MPHOSPH8: variants seen among roughly 807,000 people sequenced by gnomAD.
MPHOSPH8 encodes M-phase phosphoprotein 8.
In MPHOSPH8, 45 loss-of-function variants were observed where a neutral mutation model predicts 87.3. The ratio of observed to expected loss-of-function variants is 0.52; its 90% CI spans 0.41 to 0.66. The LOEUF (loss-of-function observed/expected upper bound fraction) is 0.66, where lower values mean the gene tolerates loss of function less well. Among genes scored for constraint, MPHOSPH8 ranks in the 30% least tolerant of loss-of-function variants. The pLI, the probability that MPHOSPH8 is intolerant of heterozygous loss-of-function variation, is 0.00. For synonymous variants in MPHOSPH8, 366 were observed against 376.9 expected (o/e 0.97, Z 0.33); for missense variants, 883 against 1,020.2 (o/e 0.87, Z 1.83).
intron 11 of MPHOSPH8, among the ~76,000 whole-genome samples, chr13:19,669,625 C>G (rs1171722840): frequency 6.6e-6 from 1 of 151,770 alleles, no homozygotes; most frequent in East Asian, 1.9e-4. Context: ...TCTCCTGCCT[C>G]AACCTCCCGA....
intron 5 of MPHOSPH8, among the ~76,000 whole-genome samples, chr13:19,654,020 A>C (rs1441018816): frequency 1.3e-5 from 2 of 152,228 alleles, no homozygotes; most frequent in Non-Finnish European, 2.9e-5. Flanking sequence ...CCAACCTAGC[A>C]AGACAGGCCA....
chr13:19,669,846 G>T (rs1051670692), intron 11 of MPHOSPH8, among the ~76,000 whole-genome samples: 1 of 152,068 alleles, frequency 6.6e-6, no homozygotes, highest in Admixed American at 6.6e-5. Context: ...AAATTGGAAG[G>T]GGCAAAAGGG....
intron 11 of MPHOSPH8, among the ~76,000 whole-genome samples, chr13:19,669,469 G>A (rs1875997683): frequency 6.6e-6 from 1 of 150,818 alleles, no homozygotes; most frequent in Non-Finnish European, 1.5e-5. Context: ...CAACTGCTGG[G>A]CCTGCAGTTT....
intron 7 of MPHOSPH8, among the ~76,000 whole-genome samples, chr13:19,660,754 G>A (rs1211708767): frequency 3.9e-5 from 6 of 152,030 alleles, no homozygotes; most frequent in Non-Finnish European, 8.8e-5. Flanking sequence ...ACTGGTTATT[G>A]CTTGTCGATG....
rs1479285646 is a variant in MPHOSPH8, at chr13:19,673,117, C to A, written c.*1242C>A. ...TTTTTTGTTTTTTTTTTTTGAAAAG[C>A]CAGACCTTGTGCCCTTGTTTTGAAC... On this transcript the variant is annotated 3_prime_UTR_variant, in exon 14 of 14. Coordinates refer to ENST00000361479, the MANE Select transcript of MPHOSPH8 (RefSeq NM_017520.4). 4.5e-6 allele frequency: 2 copies of A among 445,622 alleles called. No individual in the cohort carries two copies. The highest frequency in any genetic ancestry group is 2.5e-5 in the Admixed American group (1 of 40,762). 27.6% of individuals were successfully genotyped at this position (445,622 alleles called of 1,614,324 possible). A position where few individuals can be genotyped will look rare whatever the true frequency, so the allele number is the denominator to read the frequency against.
intron 8 of MPHOSPH8, 49 bp downstream of exon 8, chr13:19,661,887 C>A (rs745586831): frequency 1.3e-5 from 20 of 1,550,056 alleles, no homozygotes. Flanking sequence ...GGTATTCCTG[C>A]CGATGGACTG....
intron 5 of MPHOSPH8, among the ~76,000 whole-genome samples, chr13:19,656,277 C>CTA (rs1555223175): frequency 1.4e-5 from 1 of 72,246 alleles, no homozygotes; most frequent in African/African-American, 6.3e-5. Context: ...AGACTGTTGT[C>CTA]AAAAAAAAAA....
chr13:19,655,221 A>G lies in MPHOSPH8; in HGVS notation c.1577-3774A>G, dbSNP rs192666913. On this transcript the variant is annotated intron_variant, in intron 5 of 13. Coordinates refer to ENST00000361479, the MANE Select transcript of MPHOSPH8 (RefSeq NM_017520.4). ...CCAGGCATGGTGGCTCACACCTACA[A>G]TCTTAACACTTTGGGAGCTGAAATG... 3.4e-4 allele frequency among the ~76,000 whole-genome samples: 52 copies of G among 152,318 alleles called. 1 individual carries two copies. Among genetic ancestry groups the G allele is most frequent in the Admixed American group, 1.5e-3 (23 of 15,298 alleles).
chr13:19,645,164 C>A (rs575828759), intron 2 of MPHOSPH8, among the ~76,000 whole-genome samples: 2 of 152,222 alleles, frequency 1.3e-5, no homozygotes, highest in East Asian at 3.9e-4. Context: ...GCACAGCAGG[C>A]CCCACCCCAC....
chr13:19,666,672 C>T, intron 10 of MPHOSPH8, 93 bp downstream of exon 10: 1 of 1,137,758 alleles, frequency 8.8e-7, no homozygotes, highest in East Asian at 2.5e-5. Flanking sequence ...TGTGTAACTG[C>T]TCAGAAAAAC....
At chr13:19,634,560 A>C (rs908152083) in intron 1 of MPHOSPH8, among the ~76,000 whole-genome samples, 1 of 152,184 alleles carries the variant, frequency 6.6e-6, no homozygotes, top group African/African-American at 2.4e-5. Context: ...TGGCCTGGAC[A>C]GTTCTCTGCC....
intron 9 of MPHOSPH8, among the ~76,000 whole-genome samples, chr13:19,665,490 C>T (rs1875762186): frequency 6.6e-6 from 1 of 152,036 alleles, no homozygotes; most frequent in African/African-American, 2.4e-5. Context: ...GCCACTCGCT[C>T]TGTCCCGAGC....
intron 9 of MPHOSPH8, among the ~76,000 whole-genome samples, chr13:19,663,820 C>T (rs1875678043): frequency 6.6e-6 from 1 of 152,152 alleles, no homozygotes; most frequent in Non-Finnish European, 1.5e-5. Context: ...ATGCTTGGCT[C>T]CATGTAAGCC....
chr13:19,666,569 CATTT>C lies in MPHOSPH8; in HGVS notation c.2166_2169del (p.His722GlnfsTer7). ...GCTTGTGTACGACTTGCTGAAGAAC[CATTT>C]AGAGACGTAAGTGAGAAGCGACTGT... On this transcript the variant is annotated frameshift_variant, in exon 10 of 14. Transcript: ENST00000361479. LOFTEE classifies it high-confidence loss of function. 1 of 1,577,486 alleles carries C rather than the reference CATTT, an allele frequency of 6.3e-7. No individual in the cohort carries two copies. Among genetic ancestry groups the C allele is most frequent in the Non-Finnish European group, 8.7e-7 (1 of 1,151,446 alleles).
chr13:19,672,302 A>T lies in MPHOSPH8; in HGVS notation c.*427A>T, dbSNP rs143366304. ...TGGGATTACAGACACCCGCCATGGC[A>T]CCCAGCTAATTTTGTATTTTTAGTA... On this transcript the variant is annotated 3_prime_UTR_variant, in exon 14 of 14. Transcript: ENST00000361479. 2.4e-5 allele frequency: 4 copies of T among 165,540 alleles called. No individual in the cohort carries two copies. The highest frequency in any genetic ancestry group is 9.5e-5 in the African/African-American group (4 of 41,896). The allele number at this position is 165,540 out of a possible 1,614,324, so 10.3% of individuals were successfully genotyped here. A position where few individuals can be genotyped will look rare whatever the true frequency, so the allele number is the denominator to read the frequency against.
chr13:19,659,529 T>C (rs1875391951), intron 7 of MPHOSPH8: 1 of 442,050 alleles, frequency 2.3e-6, no homozygotes. Context: ...CTGGACATGG[T>C]GGTGTACACC....
Position 19,642,286 on chromosome 13 carries a change from T to C in MPHOSPH8, c.369+16T>C. On this transcript the variant is annotated intron_variant, in intron 2 of 13. Transcript: ENST00000361479. ...GGATATTCAGGTACTATGTTTTGTC[T>C]CATATTTGTTTTTACATACATAAAT... The C allele has an allele frequency of 6.4e-7, 1 of 1,553,952 alleles. No homozygotes were observed. Among genetic ancestry groups the C allele is most frequent in the African/African-American group, 1.4e-5 (1 of 71,042 alleles).
chr13:19,635,827 A>G (rs2137491604), intron 1 of MPHOSPH8, among the ~76,000 whole-genome samples: 1 of 152,242 alleles, frequency 6.6e-6, no homozygotes, highest in East Asian at 1.9e-4. Context: ...CTTGAATTGT[A>G]TTCCCCATAA....
intron 9 of MPHOSPH8, among the ~76,000 whole-genome samples, chr13:19,663,842 C>A (rs989675851): frequency 5.3e-5 from 8 of 152,102 alleles, no homozygotes; most frequent in Middle Eastern, 3.2e-3. Context: ...TTGAGCCAAG[C>A]GGGGGCCTGC....
Sources: gnomAD v4.1 joint callset for allele counts (sites outside exome capture counted in the v4.1 genomes callset) on GRCh38, gnomAD v4.1.1 for gene constraint, MANE v1.5 for transcripts, NCBI Gene and HGNC (gene_info 2026-07-23, HGNC 2026-07-21) for gene names.